Variants in DYM observed in about 807,000 individuals in gnomAD.
DYM encodes dymeclin.
In DYM, 78 loss-of-function variants were observed where a neutral mutation model predicts 93.1. That is an observed-to-expected ratio of 0.84 (90% confidence interval 0.70 to 1.01). The LOEUF is 1.01. Ranked by LOEUF, DYM falls within the 50% of genes least tolerant of loss-of-function variation. DYM has a pLI of 0.00. For missense variants in DYM, 789 were observed against 845.0 expected, an observed-to-expected ratio of 0.93 and a Z score of 0.82; for synonymous variants, 321 against 319.7, an observed-to-expected ratio of 1.00 and a Z score of -0.04.
intron 1 of DYM, chr18:49,447,503 C>T (rs2082191533): frequency 6.6e-6 from 1 of 152,244 alleles, no homozygotes; most frequent in Non-Finnish European, 1.5e-5. Context: ...GAAGAGCGAA[C>T]TCTAACTCTG....
At chr18:49,213,654 A>T (rs977631243) in intron 13 of DYM, among the ~76,000 whole-genome samples, 4 of 152,162 alleles carry the variant, frequency 2.6e-5, no homozygotes, top group Admixed American at 1.3e-4. Flanking sequence ...TAAAGAACTT[A>T]AAAAAATGAG....
intron 2 of DYM, among the ~76,000 whole-genome samples, chr18:49,428,393 T>C (rs2074498334): frequency 6.6e-6 from 1 of 151,958 alleles, no homozygotes; most frequent in South Asian, 2.1e-4. Flanking sequence ...GTAGTAGTTA[T>C]TAAATTAGTG....
intron 8 of DYM, among the ~76,000 whole-genome samples, chr18:49,308,763 C>T (rs149993494): frequency 6.6e-6 from 1 of 152,136 alleles, no homozygotes; most frequent in East Asian, 1.9e-4. Context: ...TCTTTTTGCT[C>T]ACTGTGGGGT....
At chr18:49,328,310 G>C (rs1038163292) in intron 8 of DYM, among the ~76,000 whole-genome samples, 2 of 152,162 alleles carry the variant, frequency 1.3e-5, no homozygotes, top group African/African-American at 4.8e-5. Flanking sequence ...ATCTAGCCAG[G>C]AGAGCAAAGG....
intron 1 of DYM, among the ~76,000 whole-genome samples, chr18:49,438,449 C>G (rs1297221788): frequency 6.6e-6 from 1 of 152,114 alleles, no homozygotes; most frequent in Non-Finnish European, 1.5e-5. Context: ...GAAGAATCCC[C>G]ATAAAGTAGA....
intron 13 of DYM, among the ~76,000 whole-genome samples, chr18:49,224,642 G>A (rs2093468194): frequency 6.6e-6 from 1 of 151,958 alleles, no homozygotes; most frequent in Non-Finnish European, 1.5e-5. Context: ...CTCCACCATG[G>A]GAAGACAAGA....
chr18:49,244,981 A>C (rs1427366303), intron 13 of DYM, among the ~76,000 whole-genome samples: 1 of 152,236 alleles, frequency 6.6e-6, no homozygotes, highest in Non-Finnish European at 1.5e-5. Context: ...GCAGAAGAAC[A>C]TAAATTGTGA....
intron 11 of DYM, among the ~76,000 whole-genome samples, chr18:49,271,299 T>C (rs899101060): frequency 1.3e-5 from 2 of 152,112 alleles, no homozygotes; most frequent in African/African-American, 2.4e-5. Flanking sequence ...TATCCTACAG[T>C]ACACAGCTGA....
intron 17 of DYM, among the ~76,000 whole-genome samples, chr18:49,089,250 G>A (rs1188386858): frequency 6.6e-6 from 1 of 152,102 alleles, no homozygotes. Context: ...AATGTTAACT[G>A]AATAGTAAAC....
chr18:49,272,764 T>C (rs1388655170), intron 10 of DYM, among the ~76,000 whole-genome samples: 2 of 152,266 alleles, frequency 1.3e-5, no homozygotes, highest in Non-Finnish European at 2.9e-5. Context: ...AATTAGACTC[T>C]TGGAACCCAA....
At chr18:49,335,495 C>T (rs2063590054) in intron 6 of DYM, among the ~76,000 whole-genome samples, 2 of 152,080 alleles carry the variant, frequency 1.3e-5, no homozygotes, top group Admixed American at 6.5e-5. Flanking sequence ...TAAAATAAAG[C>T]AATTCTTGTA....
chr18:49,155,491 A>T (rs1359005851), intron 15 of DYM, among the ~76,000 whole-genome samples: 1 of 152,226 alleles, frequency 6.6e-6, no homozygotes, highest in African/African-American at 2.4e-5. Context: ...TAATTTTGAA[A>T]CATTTCATCA....
At chr18:49,316,506 T>A (rs546144789) in intron 8 of DYM, among the ~76,000 whole-genome samples, 3 of 152,142 alleles carry the variant, frequency 2.0e-5, no homozygotes, top group Non-Finnish European at 2.9e-5. Flanking sequence ...ACGCAAGCAT[T>A]TATAAACCAT....
chr18:49,266,921 A>T (rs188491988), intron 11 of DYM, among the ~76,000 whole-genome samples: 2 of 152,338 alleles, frequency 1.3e-5, no homozygotes, highest in East Asian at 3.8e-4. Flanking sequence ...AAGGATGTAA[A>T]ATCAAAGGTC....
chr18:49,413,634 T>C (rs1476607144), intron 2 of DYM, among the ~76,000 whole-genome samples: 1 of 125,994 alleles, frequency 7.9e-6, no homozygotes, highest in African/African-American at 2.8e-5. Context: ...TTAGAAAACA[T>C]TATATGATGT....
At chr18:49,055,781 AC>A (rs928314567) in intron 17 of DYM, among the ~76,000 whole-genome samples, 3 of 152,208 alleles carry the variant, frequency 2.0e-5, no homozygotes, top group African/African-American at 7.2e-5. Flanking sequence ...CCTTTCTTGG[AC>A]AAAGGTCTCC....
At chr18:49,302,998 T>C (rs571600118) in intron 8 of DYM, among the ~76,000 whole-genome samples, 4 of 152,226 alleles carry the variant, frequency 2.6e-5, no homozygotes, top group Non-Finnish European at 5.9e-5. Flanking sequence ...TAGCATTTTG[T>C]GGTTTTCAGT....
Position 49,428,501 on chromosome 18 carries a change from A to G in DYM, c.140+1754T>C, listed in dbSNP as rs185205682. On this transcript the variant is annotated intron_variant, in intron 2 of 17. Coordinates refer to ENST00000675505, the MANE Select transcript of DYM (RefSeq NM_001353214.3). ...GGGGTTCGAGACCAGCCTGGCCAACATGGTGACATCTCATCTCCACAAAAA... is the reference window on the plus strand; with the variant it reads ...GGGGTTCGAGACCAGCCTGGCCAACGTGGTGACATCTCATCTCCACAAAAA... 3.9e-5 allele frequency among the ~76,000 whole-genome samples: 6 copies of G among 152,268 alleles called. No homozygotes were observed. The East Asian group carries it at 1.2e-3, about 29-fold the overall frequency.
At chr18:49,393,357 G>A (rs932494610) in intron 2 of DYM, among the ~76,000 whole-genome samples, 11 of 152,162 alleles carry the variant, frequency 7.2e-5, no homozygotes, top group South Asian at 2.1e-4. Context: ...TTGTACACTC[G>A]TGTCCATGGC....
Sources: gnomAD v4.1 joint callset for allele counts (sites outside exome capture counted in the v4.1 genomes callset) on GRCh38, gnomAD v4.1.1 for gene constraint, MANE v1.5 for transcripts, NCBI Gene and HGNC (gene_info 2026-07-23, HGNC 2026-07-21) for gene names.